Variants in TGFBR3 observed in about 807,000 individuals in gnomAD.
TGFBR3 encodes the protein transforming growth factor beta receptor 3, also known as transforming growth factor beta receptor type 3.
TGFBR3 carries 46 observed loss-of-function variants against 87.9 expected under a neutral mutation model. The ratio of observed to expected loss-of-function variants is 0.52; its 90% confidence interval spans 0.41 to 0.67. The LOEUF is 0.67. Ranked by LOEUF, TGFBR3 falls within the 30% of genes least tolerant of loss-of-function variation. TGFBR3 has a pLI of 0.00. For synonymous variants in TGFBR3, 381 were observed against 391.6 expected (o/e 0.97, Z 0.32); for missense variants, 866 against 1,041.9 (o/e 0.83, Z 2.32).
intron 1 of TGFBR3, among the ~76,000 whole-genome samples, chr1:91,869,772 CA>C (rs766970346): frequency 1.9e-4 from 29 of 152,328 alleles, no homozygotes; most frequent in Non-Finnish European, 4.3e-4. Context: ...GAAAAGGAGG[CA>C]GGAGTGCGAC....
At chr1:91,710,452 T>C (rs1433927549) in intron 13 of TGFBR3, among the ~76,000 whole-genome samples, 1 of 152,154 alleles carries the variant, frequency 6.6e-6, no homozygotes. Flanking sequence ...TTTAACTCAG[T>C]GGAGTGTGAC....
At chr1:91,820,809 T>C (rs1023954874) in intron 2 of TGFBR3, among the ~76,000 whole-genome samples, 5 of 152,236 alleles carry the variant, frequency 3.3e-5, no homozygotes, top group Admixed American at 2.0e-4. Flanking sequence ...TTTTTGTATG[T>C]AAAGAATGAT....
rs566376747 is a variant in TGFBR3 at position 91,683,285 on chromosome 1, A to T, written c.*454T>A. ...AGCCTCAAAGCATTTCTTGTTTTAC[A>T]TCTTGGTTCAGATATAAAGAATCTT... On this transcript the variant is annotated 3_prime_UTR_variant, in exon 17 of 17. Transcript: ENST00000212355. 1.9e-4 allele frequency: 88 copies of T among 456,680 alleles called. No individual in the cohort carries two copies. Among genetic ancestry groups the T allele is most frequent in the South Asian group, 1.4e-3 (88 of 64,512 alleles). The allele number at this position is 456,680 out of a possible 1,614,324, so 28.3% of individuals were successfully genotyped here.
chr1:91,821,470 CT>C (rs1487427235), intron 2 of TGFBR3, among the ~76,000 whole-genome samples: 1 of 151,916 alleles, frequency 6.6e-6, no homozygotes, highest in East Asian at 1.9e-4. Flanking sequence ...ATATGCTCTA[CT>C]TTATCATAAA....
At chr1:91,808,327 G>A (rs1021423824) in intron 2 of TGFBR3, among the ~76,000 whole-genome samples, 1 of 152,216 alleles carries the variant, frequency 6.6e-6, no homozygotes, top group Non-Finnish European at 1.5e-5. Flanking sequence ...CCTGTTCTCT[G>A]AGCACATTCT....
At chr1:91,762,264 A>T (rs1237935350) in intron 3 of TGFBR3, among the ~76,000 whole-genome samples, 1 of 152,180 alleles carries the variant, frequency 6.6e-6, no homozygotes, top group Non-Finnish European at 1.5e-5. Context: ...ACCAAACAAA[A>T]AACATCCATA....
At chr1:91,819,819 C>T (rs1358084810) in intron 2 of TGFBR3, among the ~76,000 whole-genome samples, 1 of 152,170 alleles carries the variant, frequency 6.6e-6, no homozygotes, top group African/African-American at 2.4e-5. Flanking sequence ...GATATTCTGC[C>T]TTCTATCATT....
intron 2 of TGFBR3, among the ~76,000 whole-genome samples, chr1:91,813,681 A>G (rs1236061755): frequency 6.6e-6 from 1 of 152,204 alleles, no homozygotes; most frequent in Non-Finnish European, 1.5e-5. Context: ...TGAACCACAG[A>G]GTCCAGGGCA....
At chr1:91,832,069 T>A (rs1341761821) in intron 2 of TGFBR3, among the ~76,000 whole-genome samples, 1 of 152,252 alleles carries the variant, frequency 6.6e-6, no homozygotes, top group Non-Finnish European at 1.5e-5. Flanking sequence ...CTGGCTTTTA[T>A]ATCCCTTTAC....
intron 14 of TGFBR3, among the ~76,000 whole-genome samples, chr1:91,699,431 C>CTTTTTTTTTTTT (rs60223260): frequency 2.8e-3 from 230 of 80,808 alleles, no homozygotes; most frequent in East Asian, 3.2e-3. Context: ...CTTTCTTTTG[C>CTTTTTTTTTTTT]TTTTTTTTTT....
intron 1 of TGFBR3, among the ~76,000 whole-genome samples, chr1:91,865,307 T>TAA (rs554953411): frequency 2.1e-5 from 3 of 139,928 alleles, no homozygotes; most frequent in African/African-American, 2.6e-5. Flanking sequence ...TGCTTTCACT[T>TAA]AAAAAAAAAA....
intron 2 of TGFBR3, among the ~76,000 whole-genome samples, chr1:91,827,042 T>C (rs1676667791): frequency 6.6e-6 from 1 of 152,210 alleles, no homozygotes; most frequent in Non-Finnish European, 1.5e-5. Flanking sequence ...GTTGCCTTTA[T>C]TGATTCAAGC....
intron 6 of TGFBR3, 44 bp from the exon 7 acceptor site, chr1:91,727,850 A>C (rs1672603225): frequency 6.2e-7 from 1 of 1,610,718 alleles, no homozygotes; most frequent in Non-Finnish European, 8.5e-7. Context: ...TACATGCCAG[A>C]AAGTTGCAAC....
At chr1:91,766,670 CT>C (rs1674199517) in intron 3 of TGFBR3, among the ~76,000 whole-genome samples, 1 of 133,386 alleles carries the variant, frequency 7.5e-6, no homozygotes, top group Non-Finnish European at 1.6e-5. Context: ...CATTAACATG[CT>C]GCTCTTTGAC....
chr1:91,686,528 T>C (rs548230097), intron 16 of TGFBR3, among the ~76,000 whole-genome samples: 1 of 152,252 alleles, frequency 6.6e-6, no homozygotes, highest in Non-Finnish European at 1.5e-5. Flanking sequence ...TTTCCAGTTC[T>C]GTGGCTATTT....
At chr1:91,861,273 G>A (rs544644692) in intron 2 of TGFBR3, among the ~76,000 whole-genome samples, 198 bp downstream of exon 2, 2 of 152,036 alleles carry the variant, frequency 1.3e-5, no homozygotes, top group South Asian at 2.1e-4. Context: ...GGTGGCACAC[G>A]CCTGTAGTCC....
At chr1:91,687,135 C>A (rs1422566029) in intron 16 of TGFBR3, among the ~76,000 whole-genome samples, 1 of 152,156 alleles carries the variant, frequency 6.6e-6, no homozygotes. Flanking sequence ...TAGCCTATGG[C>A]TGGGCCTAGA....
At chr1:91,779,888 A>G (rs1040294202) in intron 3 of TGFBR3, among the ~76,000 whole-genome samples, 6 of 152,212 alleles carry the variant, frequency 3.9e-5, no homozygotes, top group African/African-American at 1.4e-4. Context: ...AGGTGTCAGC[A>G]GAGCCACATG....
intron 1 of TGFBR3, among the ~76,000 whole-genome samples, chr1:91,901,229 T>C (rs1679713016): frequency 1.3e-5 from 2 of 152,358 alleles, no homozygotes; most frequent in Admixed American, 1.3e-4. Context: ...TGTATTTTTA[T>C]TGGGTCTTAT....
Sources: gnomAD v4.1 joint callset for allele counts (sites outside exome capture counted in the v4.1 genomes callset) on GRCh38, gnomAD v4.1.1 for gene constraint, MANE v1.5 for transcripts, NCBI Gene and HGNC (gene_info 2026-07-23, HGNC 2026-07-21) for gene names.